The following MAP3K19 variants were observed in gnomAD, a reference collection of about 807,000 sequenced individuals.
MAP3K19 encodes SPS1/STE20-related protein kinase YSK4.
A neutral mutation model predicts 114.4 loss-of-function variants in MAP3K19; 91 were observed. The observed-to-expected ratio is 0.80, with a 90% confidence interval of 0.67 to 0.95. The LOEUF is 0.95. MAP3K19 is among the 40% of genes least tolerant of loss of function. The pLI, the probability that MAP3K19 is intolerant of heterozygous loss-of-function variation, is 0.00. For missense variants in MAP3K19, 1,471 were observed against 1,573.2 expected (o/e 0.94, Z 1.10); for synonymous variants, 518 against 530.5 (o/e 0.98, Z 0.32).
chr2:134,978,574 T>C (rs1211967261), intron 12 of MAP3K19, among the ~76,000 whole-genome samples: 1 of 152,162 alleles, frequency 6.6e-6, no homozygotes, highest in Non-Finnish European at 1.5e-5. Flanking sequence ...GCTTCAAATG[T>C]CTCCTTACAG....
intron 8 of MAP3K19, among the ~76,000 whole-genome samples, chr2:134,996,271 C>CTTTTTTTTT (rs61265758): frequency 8.0e-6 from 1 of 125,778 alleles, no homozygotes; most frequent in Admixed American, 8.1e-5. Context: ...CTTCTTATTT[C>CTTTTTTTTT]TTTTTTTTTT....
intron 6 of MAP3K19, among the ~76,000 whole-genome samples, chr2:135,004,379 T>C (rs903935849): frequency 3.9e-5 from 6 of 152,116 alleles, no homozygotes; most frequent in Admixed American, 3.9e-4. Context: ...GCCCTCAGCC[T>C]GGGGAGGGAA....
chr2:134,981,880 C>CTTT (rs567597251), intron 11 of MAP3K19, among the ~76,000 whole-genome samples: 65 of 124,482 alleles, frequency 5.2e-4, no homozygotes, highest in South Asian at 1.0e-3. Flanking sequence ...GATTTCTTTT[C>CTTT]TTTTTTTTTT....
intron 5 of MAP3K19, among the ~76,000 whole-genome samples, chr2:135,010,173 G>C (rs1316784171): frequency 2.0e-5 from 3 of 151,776 alleles, no homozygotes; most frequent in Admixed American, 6.6e-5. Flanking sequence ...GATAAGTTTT[G>C]CATAGAAAAA....
Position 134,983,707 on chromosome 2 carries a change from C to T in MAP3K19, c.3191G>A (p.Gly1064Asp), listed in dbSNP as rs1684877926. 1 of 1,585,858 alleles carries T rather than the reference C, an allele frequency of 6.3e-7. No homozygotes were observed. Among genetic ancestry groups the T allele is most frequent in the Non-Finnish European group, 8.5e-7 (1 of 1,171,402 alleles). The change falls in exon 11 of 13, where the codon GGT becomes GAT. Residue 1064 changes from glycine to aspartate, a missense_variant. Gly to Asp is a moderately conservative substitution (Grantham distance 94). Coordinates refer to ENST00000392915, the MANE Select transcript of MAP3K19 (RefSeq NM_025052.5). ...KSEEPILWTK[G>D]EILGKGAYGT... Reference sequence around the variant, plus strand: ...GTAGGCTCCCTTTCCAAGAATCTCACCCTTGGTCCATAGGATAGGTTCTTC... The same window carrying T: ...GTAGGCTCCCTTTCCAAGAATCTCATCCTTGGTCCATAGGATAGGTTCTTC...
chr2:135,032,238 T>A (rs997801040), intron 2 of MAP3K19, among the ~76,000 whole-genome samples: 2 of 151,484 alleles, frequency 1.3e-5, no homozygotes, highest in Admixed American at 6.6e-5. Flanking sequence ...GCGCCTGTAA[T>A]CCCAGCTATT....
chr2:135,021,031 G>C (rs928739330), intron 5 of MAP3K19, among the ~76,000 whole-genome samples: 5 of 152,144 alleles, frequency 3.3e-5, no homozygotes, highest in Non-Finnish European at 5.9e-5. Flanking sequence ...AGGTACATTT[G>C]ATTATTTAGT....
intron 8 of MAP3K19, among the ~76,000 whole-genome samples, chr2:134,995,455 G>C (rs1219180949): frequency 6.6e-6 from 1 of 152,158 alleles, no homozygotes; most frequent in Non-Finnish European, 1.5e-5. Context: ...AGTGGATCCA[G>C]AGAGCAGGTG....
intron 5 of MAP3K19, among the ~76,000 whole-genome samples, chr2:135,017,980 A>G (rs938175261): frequency 6.6e-6 from 1 of 152,246 alleles, no homozygotes; most frequent in Non-Finnish European, 1.5e-5. Flanking sequence ...TAAAATGCAA[A>G]GTACACATCT....
intron 1 of MAP3K19, among the ~76,000 whole-genome samples, chr2:135,041,204 G>A (rs116469836): frequency 1.2e-3 from 187 of 152,206 alleles, no homozygotes; most frequent in African/African-American, 4.4e-3. Flanking sequence ...GAATCATTAA[G>A]GAGCACAGTG....
chr2:134,999,066 T>C lies in MAP3K19; in HGVS notation c.315-69A>G. Reference sequence around the variant, plus strand: ...ATCTTCTGGATCTCCAGTCCTCAGTTCAGCCTGACATCACTAGAAAGTTTG... The same window carrying C: ...ATCTTCTGGATCTCCAGTCCTCAGTCCAGCCTGACATCACTAGAAAGTTTG... On this transcript the variant is annotated intron_variant, in intron 7 of 12. Coordinates refer to ENST00000392915, the MANE Select transcript of MAP3K19 (RefSeq NM_025052.5). The surrounding 1 kb of genome is among the most constrained non-coding windows in gnomAD (Gnocchi z 4.1). 1 of 1,518,204 alleles carries C rather than the reference T, an allele frequency of 6.6e-7. No homozygotes were observed. The highest frequency in any genetic ancestry group is 8.9e-7 in the Non-Finnish European group (1 of 1,122,072). 94.0% of individuals were successfully genotyped at this position (1,518,204 alleles called of 1,614,324 possible). A position where few individuals can be genotyped will look rare whatever the true frequency, so the allele number is the denominator to read the frequency against.
chr2:135,043,305 A>G (rs1410921469), intron 1 of MAP3K19, among the ~76,000 whole-genome samples: 1 of 152,172 alleles, frequency 6.6e-6, no homozygotes, highest in Non-Finnish European at 1.5e-5. Flanking sequence ...TTTCAAAGAA[A>G]TGGTGGCCTT....
chr2:135,021,052 C>G (rs1279882215), intron 5 of MAP3K19, among the ~76,000 whole-genome samples: 1 of 152,146 alleles, frequency 6.6e-6, no homozygotes, highest in Non-Finnish European at 1.5e-5. Flanking sequence ...ATGGATTCAG[C>G]TGAAACAATA....
At chr2:134,969,727 A>G (rs1458585697) in intron 12 of MAP3K19, among the ~76,000 whole-genome samples, 3 of 152,046 alleles carry the variant, frequency 2.0e-5, no homozygotes, top group Non-Finnish European at 2.9e-5. Context: ...GTGTTTCCCT[A>G]TGTTTTCTTC....
chr2:135,028,130 T>C (rs756618504), intron 3 of MAP3K19, among the ~76,000 whole-genome samples: 6 of 152,196 alleles, frequency 3.9e-5, no homozygotes, highest in Non-Finnish European at 7.4e-5. Context: ...AGTTGTAAGG[T>C]GGAATAGTAG....
chr2:134,983,977 C>T (rs1246989884), intron 10 of MAP3K19, 152 bp from the exon 11 acceptor site: 1 of 548,986 alleles, frequency 1.8e-6, no homozygotes, highest in Non-Finnish European at 3.2e-6. Context: ...CCCAAATGAC[C>T]ACATAGTGTA....
chr2:135,024,517 G>A lies in MAP3K19; in HGVS notation c.22+109C>T, dbSNP rs151289651. ...CAGAGTCACTGCTCCATAAATAGCCGTGGACTTGATTTCTTTAAATGGATC... is the reference window on the plus strand; with the variant it reads ...CAGAGTCACTGCTCCATAAATAGCCATGGACTTGATTTCTTTAAATGGATC... On this transcript the variant is annotated intron_variant, in intron 4 of 12. Coordinates refer to ENST00000392915, the MANE Select transcript of MAP3K19 (RefSeq NM_025052.5). 4,194 of 1,010,086 alleles carry A rather than the reference G, an allele frequency of 4.2e-3. 64 individuals carry two copies. Among genetic ancestry groups the A allele is most frequent in the South Asian group, 0.029 (2,234 of 76,030 alleles). The allele number at this position is 1,010,086 out of a possible 1,614,324, so 62.6% of individuals were successfully genotyped here.
intron 1 of MAP3K19, among the ~76,000 whole-genome samples, chr2:135,042,917 A>G (rs915040871): frequency 1.3e-5 from 2 of 152,058 alleles, no homozygotes; most frequent in African/African-American, 4.8e-5. Flanking sequence ...CCTTGTCTCT[A>G]CTAAAAAATA....
At chr2:135,008,216 G>A (rs552169661) in intron 5 of MAP3K19, among the ~76,000 whole-genome samples, 3 of 151,760 alleles carry the variant, frequency 2.0e-5, no homozygotes, top group East Asian at 1.9e-4. Context: ...TCCACCTCCC[G>A]GGTTCAAGAG....
Sources: allele counts gnomAD v4.1 joint callset (sites outside exome capture counted in the v4.1 genomes callset), GRCh38; gene constraint gnomAD v4.1.1; non-coding constraint Gnocchi (gnomAD v3.1); transcripts MANE v1.5; gene names NCBI Gene and HGNC (gene_info 2026-07-23, HGNC 2026-07-21).